PITPNC1: variants seen among roughly 807,000 people sequenced by gnomAD.
PITPNC1 encodes the protein cytoplasmic phosphatidylinositol transfer protein 1.
A neutral mutation model predicts 44.7 loss-of-function variants in PITPNC1; 18 were observed. That is an observed-to-expected ratio of 0.40 (90% confidence interval 0.28 to 0.60). The LOEUF is 0.60. PITPNC1 is among the 20% of genes least tolerant of loss of function. The probability of loss-of-function intolerance (pLI) is 0.39; values close to 1 mark genes in which losing one functional copy is unlikely to be tolerated. For synonymous variants in PITPNC1, 141 were observed against 149.6 expected (o/e 0.94, Z 0.42); for missense variants, 290 against 418.4 (o/e 0.69, Z 2.68).
At chr17:67,547,473 G>C (rs2040700051) in intron 2 of PITPNC1, among the ~76,000 whole-genome samples, 1 of 152,182 alleles carries the variant, frequency 6.6e-6, no homozygotes, top group Non-Finnish European at 1.5e-5. Context: ...ATACGATCAT[G>C]CCACTGTACT....
At chr17:67,652,634 C>T (rs532896079) in intron 6 of PITPNC1, among the ~76,000 whole-genome samples, 2 of 152,330 alleles carry the variant, frequency 1.3e-5, no homozygotes, top group African/African-American at 2.4e-5. Flanking sequence ...CAGCCCCACG[C>T]GTTCCCCACC....
chr17:67,388,709 C>T (rs766351521), intron 1 of PITPNC1, among the ~76,000 whole-genome samples: 24 of 152,218 alleles, frequency 1.6e-4, no homozygotes, highest in Middle Eastern at 3.4e-3. Flanking sequence ...CAACCTCCAC[C>T]TCTCGGGTTC....
At chr17:67,553,244 A>G (rs576657954) in intron 3 of PITPNC1, 2 of 166,174 alleles carry the variant, frequency 1.2e-5, no homozygotes, top group South Asian at 4.0e-4. Flanking sequence ...CTTATTGGTT[A>G]CAAAAGCTGC....
rs564199439 is a variant in PITPNC1 at position 67,425,051 on chromosome 17, C to G, written c.48+46849C>G. On this transcript the variant is annotated intron_variant, in intron 1 of 8. Coordinates refer to ENST00000581322, the MANE Select transcript of PITPNC1 (RefSeq NM_012417.4). ...AGAATGTACTTTGTGAGATCCACCCCCTGCCTGCAAAACATTCCTCCAAAT... is the reference window on the plus strand; with the variant it reads ...AGAATGTACTTTGTGAGATCCACCCGCTGCCTGCAAAACATTCCTCCAAAT... 2.4e-4 allele frequency among the ~76,000 whole-genome samples: 37 copies of G among 152,190 alleles called. 1 individual carries two copies. The highest frequency in any genetic ancestry group is 8.4e-4 in the African/African-American group (35 of 41,528).
Position 67,693,834 on chromosome 17 carries a change from T to C in PITPNC1, c.*946T>C, listed in dbSNP as rs1236876445. ...GTCAGAATGTCTGGTGCATGAACTA[T>C]AAAAAAGAGAACTGTCTCCCATCCC... On this transcript the variant is annotated 3_prime_UTR_variant, in exon 9 of 9. Transcript: ENST00000581322. The C allele has an allele frequency of 6.6e-6, 1 of 152,192 alleles. No homozygotes were observed. The highest frequency in any genetic ancestry group is 2.4e-5 in the African/African-American group (1 of 41,450). 9.4% of individuals were successfully genotyped at this position (152,192 alleles called of 1,614,324 possible).
chr17:67,429,605 G>A (rs567526140), intron 1 of PITPNC1, among the ~76,000 whole-genome samples: 1 of 152,066 alleles, frequency 6.6e-6, no homozygotes, highest in Non-Finnish European at 1.5e-5. Flanking sequence ...GGCTGAGGCA[G>A]GAGAATCACT....
intron 1 of PITPNC1, among the ~76,000 whole-genome samples, chr17:67,474,949 C>A (rs1282808027): frequency 6.6e-6 from 1 of 152,302 alleles, no homozygotes; most frequent in Admixed American, 6.5e-5. Flanking sequence ...CCACTGCATC[C>A]AGCCCACGGG....
intron 1 of PITPNC1, among the ~76,000 whole-genome samples, chr17:67,441,471 G>A (rs908655764): frequency 3.9e-5 from 6 of 152,216 alleles, no homozygotes; most frequent in African/African-American, 1.4e-4. Context: ...AACATAAGCA[G>A]AGGAGAAATC....
At position 67,580,340 on chromosome 17, in the gene PITPNC1, T is replaced by A. The variant is rs527608140; in HGVS notation, c.366+2083T>A. Among the ~76,000 whole-genome samples, 3 of 152,182 alleles carry A rather than the reference T, an allele frequency of 2.0e-5. No individual in the cohort carries two copies. The East Asian group carries it at 5.8e-4, about 29-fold the overall frequency. ...CTTTTCCTGGCATAATATGAAAATA[T>A]GGGGGAATTTTTTTTTTCTTTATAA... is the stretch of plus-strand genomic sequence containing the variant. On this transcript the variant is annotated intron_variant, in intron 5 of 8. Transcript: ENST00000581322.
chr17:67,538,555 G>A (rs945710550), intron 2 of PITPNC1, among the ~76,000 whole-genome samples: 3 of 152,112 alleles, frequency 2.0e-5, no homozygotes, highest in Admixed American at 6.6e-5. Flanking sequence ...AGCCAAGATC[G>A]TGCCACTGCA....
At chr17:67,497,725 G>C (rs112448863) in intron 1 of PITPNC1, among the ~76,000 whole-genome samples, 1 of 151,282 alleles carries the variant, frequency 6.6e-6, no homozygotes, top group Admixed American at 6.6e-5. Flanking sequence ...ACATGGTTTC[G>C]CTATGTTTTC....
intron 4 of PITPNC1, among the ~76,000 whole-genome samples, chr17:67,576,741 T>C (rs1373640703): frequency 2.0e-5 from 3 of 152,182 alleles, no homozygotes; most frequent in Admixed American, 2.0e-4. Context: ...AGGGCTGGGT[T>C]GCATTTGGGG....
chr17:67,652,804 A>C (rs1300066474), intron 6 of PITPNC1, among the ~76,000 whole-genome samples: 2 of 152,168 alleles, frequency 1.3e-5, no homozygotes, highest in Admixed American at 6.5e-5. Flanking sequence ...GGAACCTAGA[A>C]GACTTGCCTT....
intron 1 of PITPNC1, among the ~76,000 whole-genome samples, chr17:67,502,744 C>T (rs375787418): frequency 2.5e-4 from 35 of 137,922 alleles, no homozygotes; most frequent in East Asian, 2.1e-3. Flanking sequence ...CATTGCATTG[C>T]ATTGTATTGT....
At chr17:67,443,577 T>TA (rs888005677) in intron 1 of PITPNC1, among the ~76,000 whole-genome samples, 4 of 145,816 alleles carry the variant, frequency 2.7e-5, no homozygotes, top group East Asian at 2.0e-4. Context: ...ACAGCAACCA[T>TA]AAAAAATCCA....
At chr17:67,505,205 G>C (rs2040084864) in intron 1 of PITPNC1, among the ~76,000 whole-genome samples, 1 of 152,132 alleles carries the variant, frequency 6.6e-6, no homozygotes, top group Non-Finnish European at 1.5e-5. Context: ...GTTGAGTGAT[G>C]TGTTCTGTTG....
At chr17:67,419,055 A>G (rs994006631) in intron 1 of PITPNC1, among the ~76,000 whole-genome samples, 1 of 152,260 alleles carries the variant, frequency 6.6e-6, no homozygotes, top group Non-Finnish European at 1.5e-5. Flanking sequence ...AAAGCTCCCC[A>G]GGTAAGGGGC....
intron 5 of PITPNC1, among the ~76,000 whole-genome samples, chr17:67,579,625 T>TC (rs200775798): frequency 0.21 from 28,250 of 136,798 alleles, 3,712 homozygotes; most frequent in South Asian, 0.37. Context: ...TTTTTTTTTT[T>TC]TTTTTTTTTT....
intron 1 of PITPNC1, among the ~76,000 whole-genome samples, chr17:67,419,416 G>A (rs2038635298): frequency 6.6e-6 from 1 of 152,152 alleles, no homozygotes; most frequent in Non-Finnish European, 1.5e-5. Context: ...TGCAGTGCCA[G>A]GCTCGAGGAT....
Sources: gnomAD v4.1 joint callset for allele counts (sites outside exome capture counted in the v4.1 genomes callset) on GRCh38, gnomAD v4.1.1 for gene constraint, MANE v1.5 for transcripts, NCBI Gene and HGNC (gene_info 2026-07-23, HGNC 2026-07-21) for gene names.